PARD3B: variants seen among roughly 807,000 people sequenced by gnomAD.
The protein encoded by PARD3B is partitioning defective 3 homolog B.
PARD3B carries 103 observed loss-of-function variants against 130.2 expected under a neutral mutation model. The observed-to-expected ratio is 0.79, with a 90% confidence interval of 0.67 to 0.93. The LOEUF (loss-of-function observed/expected upper bound fraction) is 0.93. Among genes scored for constraint, PARD3B ranks in the 40% least tolerant of loss-of-function variants. The probability of loss-of-function intolerance (pLI) is 0.00; values close to 1 mark genes in which losing one functional copy is unlikely to be tolerated. For synonymous variants in PARD3B, 583 were observed against 553.2 expected (o/e 1.05, Z -0.76); for missense variants, 1,609 against 1,499.2 (o/e 1.07, Z -1.21).
At chr2:205,496,317 G>T (rs557775080) in intron 20 of PARD3B, among the ~76,000 whole-genome samples, 10 of 152,230 alleles carry the variant, frequency 6.6e-5, no homozygotes, top group African/African-American at 2.4e-4. Context: ...ATTGGAATTT[G>T]CTGTCCCTAA....
rs1559459296 is a variant in PARD3B, at chr2:205,121,502, C to T, written c.807-89C>T. ...GTGTCTCCTATGATTAGCCACTGTGCTGCTCTTGGTTGCCATCCTCCTGGG... is the reference window on the plus strand; with the variant it reads ...GTGTCTCCTATGATTAGCCACTGTGTTGCTCTTGGTTGCCATCCTCCTGGG... On this transcript the variant is annotated intron_variant, in intron 7 of 22. Transcript: ENST00000406610. The surrounding 1 kb of genome is among the most constrained non-coding windows in gnomAD (Gnocchi z 5.0). 1 of 1,116,556 alleles carries T rather than the reference C, an allele frequency of 9.0e-7. No homozygotes were observed. Among genetic ancestry groups the T allele is most frequent in the Non-Finnish European group, 1.3e-6 (1 of 758,608 alleles). 69.2% of individuals were successfully genotyped at this position (1,116,556 alleles called of 1,614,324 possible).
rs112320187 is a variant in PARD3B, at chr2:205,116,606, C to T, written c.681-2315C>T. Reference sequence around the variant, plus strand: ...TCTTTAAATTCTGCGAGTCTTGGTCCCAAATGAGACAGCTACCACAGCCCA... The same window carrying T: ...TCTTTAAATTCTGCGAGTCTTGGTCTCAAATGAGACAGCTACCACAGCCCA... On this transcript the variant is annotated intron_variant, in intron 6 of 22. Coordinates refer to ENST00000406610, the MANE Select transcript of PARD3B (RefSeq NM_001302769.2). The surrounding 1 kb of genome is among the most constrained non-coding windows in gnomAD (Gnocchi z 4.5). Among the ~76,000 whole-genome samples the T allele has an allele frequency of 1.4e-4, 22 of 152,164 alleles. 1 individual carries two copies. Among genetic ancestry groups the T allele is most frequent in the African/African-American group, 4.8e-4 (20 of 41,510 alleles).
intron 1 of PARD3B, among the ~76,000 whole-genome samples, chr2:204,634,873 T>G (rs1317778654): frequency 6.6e-6 from 1 of 152,186 alleles, no homozygotes; most frequent in Non-Finnish European, 1.5e-5. Flanking sequence ...CTTTCTTCAT[T>G]CATTAGCTAG....
At chr2:205,118,801 T>A in intron 6 of PARD3B, 120 bp from the exon 7 acceptor site, 1 of 777,860 alleles carries the variant, frequency 1.3e-6, no homozygotes, top group East Asian at 3.3e-5. Context: ...GTTGCCTGAA[T>A]ATAAAGTAAA....
At chr2:204,911,125 C>A (rs2047220779) in intron 2 of PARD3B, among the ~76,000 whole-genome samples, 1 of 152,086 alleles carries the variant, frequency 6.6e-6, no homozygotes, top group Non-Finnish European at 1.5e-5. Flanking sequence ...ACTTTTCTAG[C>A]ACCAAGCACA....
rs75683700 is a variant in PARD3B at position 205,435,032 on chromosome 2, T to A, written c.2742-5338T>A. Among the ~76,000 whole-genome samples, 284 of 152,288 alleles carry A rather than the reference T, an allele frequency of 1.9e-3. 1 individual carries two copies. Among genetic ancestry groups the A allele is most frequent in the African/African-American group, 6.6e-3 (275 of 41,576 alleles). ...TATGCAGTATAACCATGTATACCCA[T>A]ACCTGCACATGTACCCCCTGTACTG... On this transcript the variant is annotated intron_variant, in intron 19 of 22. Coordinates refer to ENST00000406610, the MANE Select transcript of PARD3B (RefSeq NM_001302769.2).
rs190848468 is a variant in PARD3B at position 204,887,559 on chromosome 2, C to A, written c.223-77593C>A. Among the ~76,000 whole-genome samples, 3 of 151,996 alleles carry A rather than the reference C, an allele frequency of 2.0e-5. No homozygotes were observed. The highest frequency in any genetic ancestry group is 4.4e-5 in the Non-Finnish European group (3 of 67,990). On this transcript the variant is annotated intron_variant, in intron 2 of 22. Transcript: ENST00000406610. This position sits in a 1 kb window ranked among gnomAD's most constrained non-coding sequence, Gnocchi z 4.2. ...AGGTGTTTTTATTTTTTAAAAAGAA[C>A]GAAGAGATGGCAAACTAACCTATAA...
rs1193152252 is a variant in PARD3B at position 205,229,770 on chromosome 2, C to T, written c.2141-16008C>T. Among the ~76,000 whole-genome samples, 1 of 152,054 alleles carries T rather than the reference C, an allele frequency of 6.6e-6. No individual in the cohort carries two copies. Among genetic ancestry groups the T allele is most frequent in the Non-Finnish European group, 1.5e-5 (1 of 68,016 alleles). ...CAGGACAGCAAGGTCCCCCTGGCCT[C>T]GAGTGAGTCCACAGATGCCGTCCAG... On this transcript the variant is annotated intron_variant, in intron 15 of 22. Coordinates refer to ENST00000406610, the MANE Select transcript of PARD3B (RefSeq NM_001302769.2). The surrounding 1 kb of genome is among the most constrained non-coding windows in gnomAD (Gnocchi z 5.2).
chr2:205,312,965 A>G (rs1434341206), intron 18 of PARD3B, among the ~76,000 whole-genome samples: 1 of 152,160 alleles, frequency 6.6e-6, no homozygotes, highest in Non-Finnish European at 1.5e-5. Context: ...GATAATATTT[A>G]TATGTTTATG....
chr2:204,648,265 T>C (rs953548941), intron 1 of PARD3B, among the ~76,000 whole-genome samples: 1 of 151,336 alleles, frequency 6.6e-6, no homozygotes, highest in Non-Finnish European at 1.5e-5. Context: ...ATAAAACTTA[T>C]TGAGGTATAA....
chr2:204,653,746 A>G (rs1477603026), intron 1 of PARD3B, among the ~76,000 whole-genome samples: 2 of 147,568 alleles, frequency 1.4e-5, no homozygotes, highest in South Asian at 2.1e-4. Flanking sequence ...AGCCAAGATC[A>G]TGCCACTCCA....
At chr2:204,859,351 T>C (rs1047956677) in intron 2 of PARD3B, among the ~76,000 whole-genome samples, 1 of 152,098 alleles carries the variant, frequency 6.6e-6, no homozygotes, top group African/African-American at 2.4e-5. Context: ...TTTTTAGAAA[T>C]GGATGAGAAT....
At chr2:205,480,813 C>T (rs1198671735) in intron 20 of PARD3B, among the ~76,000 whole-genome samples, 3 of 152,076 alleles carry the variant, frequency 2.0e-5, no homozygotes, top group Admixed American at 2.0e-4. Flanking sequence ...GTGATCATTG[C>T]TACAAAGGAA....
intron 2 of PARD3B, among the ~76,000 whole-genome samples, chr2:204,948,113 T>A (rs1167480797): frequency 6.6e-6 from 1 of 152,202 alleles, no homozygotes; most frequent in African/African-American, 2.4e-5. Context: ...ATGTGTTGAT[T>A]TTTCTTGTTT....
intron 16 of PARD3B, among the ~76,000 whole-genome samples, chr2:205,257,913 C>T (rs1437064529): frequency 6.6e-6 from 1 of 152,050 alleles, no homozygotes; most frequent in East Asian, 1.9e-4. Flanking sequence ...TTAACAATGA[C>T]CTACACCCTG....
chr2:205,356,780 A>G (rs973179777), intron 18 of PARD3B, among the ~76,000 whole-genome samples: 15 of 151,654 alleles, frequency 9.9e-5, no homozygotes, highest in Admixed American at 7.9e-4. Flanking sequence ...AATCCCAGCT[A>G]CTTGGGAGGC....
chr2:205,124,325 A>G lies in PARD3B; in HGVS notation c.1166-2A>G. On this transcript the variant is annotated splice_acceptor_variant, in intron 8 of 22. Coordinates refer to ENST00000406610, the MANE Select transcript of PARD3B (RefSeq NM_001302769.2). LOFTEE classifies it high-confidence loss of function. ...ATACATTTTCCTGTTCTTATACACT[A>G]GGCCCTGAAGGACTTGGTTTCACTG... The G allele has an allele frequency of 6.5e-7, 1 of 1,543,710 alleles. No homozygotes were observed.
chr2:205,230,619 C>T lies in PARD3B; in HGVS notation c.2141-15159C>T, dbSNP rs1229922625. Among the ~76,000 whole-genome samples, 1 of 152,176 alleles carries T rather than the reference C, an allele frequency of 6.6e-6. No individual in the cohort carries two copies. Among genetic ancestry groups the T allele is most frequent in the Non-Finnish European group, 1.5e-5 (1 of 68,032 alleles). On this transcript the variant is annotated intron_variant, in intron 15 of 22. Coordinates refer to ENST00000406610, the MANE Select transcript of PARD3B (RefSeq NM_001302769.2). The surrounding 1 kb of genome is among the most constrained non-coding windows in gnomAD (Gnocchi z 4.1). ...GGTTGGGGGAGGAGTGGTGCAAGCACTGCATTAGCCGCCCAACGGCTGTCT... is the reference window on the plus strand; with the variant it reads ...GGTTGGGGGAGGAGTGGTGCAAGCATTGCATTAGCCGCCCAACGGCTGTCT...
chr2:205,480,261 G>A (rs913377275), intron 20 of PARD3B, among the ~76,000 whole-genome samples: 7 of 152,096 alleles, frequency 4.6e-5, no homozygotes, highest in Non-Finnish European at 1.0e-4. Flanking sequence ...TTAGGGCTTT[G>A]GCTCTAGCTG....
Sources: allele counts gnomAD v4.1 joint callset (sites outside exome capture counted in the v4.1 genomes callset), GRCh38; gene constraint gnomAD v4.1.1; non-coding constraint Gnocchi (gnomAD v3.1); transcripts MANE v1.5; gene names NCBI Gene and HGNC (gene_info 2026-07-23, HGNC 2026-07-21).